HPSE2: variants seen among roughly 807,000 people sequenced by gnomAD.
HPSE2 encodes the protein inactive heparanase-2.
HPSE2 carries 38 observed loss-of-function variants against 60.5 expected under a neutral mutation model. The observed-to-expected ratio is 0.63, with a 90% CI of 0.48 to 0.82. The LOEUF (loss-of-function observed/expected upper bound fraction) is 0.82. Among genes scored for constraint, HPSE2 ranks in the 40% least tolerant of loss-of-function variants. HPSE2 has a pLI of 0.00. For synonymous variants in HPSE2, 295 were observed against 293.2 expected (o/e 1.01, Z -0.06); for missense variants, 713 against 740.4 (o/e 0.96, Z 0.43).
At chr10:98,954,362 C>G (rs1320238568) in intron 3 of HPSE2, among the ~76,000 whole-genome samples, 1 of 152,002 alleles carries the variant, frequency 6.6e-6, no homozygotes, top group African/African-American at 2.4e-5. Context: ...AGGCTGTAAG[C>G]AGGAAAGTGA....
intron 3 of HPSE2, among the ~76,000 whole-genome samples, chr10:99,029,597 C>CAG (rs1038903052): frequency 3.3e-5 from 5 of 151,930 alleles, no homozygotes; most frequent in East Asian, 1.9e-4. Context: ...GCAGCCAAGG[C>CAG]AGAGAGAGAG....
intron 3 of HPSE2, among the ~76,000 whole-genome samples, chr10:98,817,824 A>G (rs1175990272): frequency 1.3e-5 from 2 of 152,232 alleles, no homozygotes; most frequent in Admixed American, 6.5e-5. Context: ...AGATATAGCT[A>G]AAGAGTTCAC....
chr10:98,841,300 A>G (rs917516283), intron 3 of HPSE2, among the ~76,000 whole-genome samples: 3 of 152,108 alleles, frequency 2.0e-5, no homozygotes, highest in African/African-American at 7.2e-5. Flanking sequence ...GCACACATTT[A>G]CCTATATGGT....
chr10:98,700,355 C>G (rs1948370944), intron 5 of HPSE2, among the ~76,000 whole-genome samples: 1 of 131,064 alleles, frequency 7.6e-6, no homozygotes, highest in African/African-American at 2.5e-5. Context: ...CTACAACTAT[C>G]TGATCTTTGA....
At chr10:98,968,202 C>G (rs1419380835) in intron 3 of HPSE2, among the ~76,000 whole-genome samples, 1 of 152,112 alleles carries the variant, frequency 6.6e-6, no homozygotes, top group African/African-American at 2.4e-5. Context: ...ACATACGGTA[C>G]TCTATTTTTG....
At chr10:98,522,136 TA>T (rs555728622) in intron 9 of HPSE2, among the ~76,000 whole-genome samples, 135 of 142,718 alleles carry the variant, frequency 9.5e-4, no homozygotes, top group African/African-American at 2.1e-3. Context: ...AGGATAATTA[TA>T]AAAAAAAAAA....
At chr10:98,689,788 T>A (rs1948027583) in intron 6 of HPSE2, among the ~76,000 whole-genome samples, 1 of 152,216 alleles carries the variant, frequency 6.6e-6, no homozygotes, top group Admixed American at 6.5e-5. Context: ...CAGTTTATGA[T>A]TTTTTTGGAC....
Position 98,832,924 on chromosome 10 carries a change from A to C in HPSE2, c.611-88868T>G, listed in dbSNP as rs555641123. On this transcript the variant is annotated intron_variant, in intron 3 of 11. Transcript: ENST00000370552. The stretch of plus-strand genomic sequence containing the variant: ...GAAATAATGGAGCTCTTTTGCCAGG[A>C]GTTTTGCTGACAGAACGGCTGTTTT... Among the ~76,000 whole-genome samples, 12 of 152,272 alleles carry C rather than the reference A, an allele frequency of 7.9e-5. No individual in the cohort carries two copies. In the South Asian group the frequency reaches 2.3e-3, roughly 29 times the overall value.
At chr10:99,282,456 T>C in the HPSE2 span, among the ~76,000 whole-genome samples, 75,399 of 151,866 alleles carry the variant, frequency 0.5, 21,775 homozygotes, top group Non-Finnish European at 0.64. Context: ...CTTTCAATAA[T>C]AGAACAACCA....
intron 11 of HPSE2, among the ~76,000 whole-genome samples, chr10:98,476,159 T>G (rs1048903935): frequency 2.2e-4 from 34 of 151,290 alleles, no homozygotes; most frequent in Non-Finnish European, 4.4e-4. Context: ...AATGATGAGT[T>G]CATGTCCTTT....
the HPSE2 span, among the ~76,000 whole-genome samples, chr10:99,270,593 T>A: frequency 6.6e-6 from 1 of 152,158 alleles, no homozygotes; most frequent in Non-Finnish European, 1.5e-5. Context: ...CTACTGACAC[T>A]ATTCCACAAG....
chr10:99,277,807 C>T, the HPSE2 span, among the ~76,000 whole-genome samples: 8 of 151,962 alleles, frequency 5.3e-5, no homozygotes, highest in African/African-American at 4.8e-5. Context: ...TTTAAAAAAA[C>T]TGATATGCGG....
intron 3 of HPSE2, among the ~76,000 whole-genome samples, chr10:98,972,814 G>T (rs943373900): frequency 6.6e-6 from 1 of 152,060 alleles, no homozygotes; most frequent in Non-Finnish European, 1.5e-5. Context: ...AATCAGCAAC[G>T]CATAAAGCAT....
chr10:99,109,529 A>G (rs966934540), intron 3 of HPSE2, among the ~76,000 whole-genome samples: 1 of 152,112 alleles, frequency 6.6e-6, no homozygotes, highest in Non-Finnish European at 1.5e-5. Flanking sequence ...ACTCCGAGAA[A>G]GGAATGATAA....
chr10:98,744,426 C>T (rs1263157630), intron 3 of HPSE2, among the ~76,000 whole-genome samples: 1 of 152,214 alleles, frequency 6.6e-6, no homozygotes, highest in East Asian at 1.9e-4. Flanking sequence ...ACTCAGAAGG[C>T]TGAGGCAGGA....
chr10:98,839,222 T>A (rs1565201100), intron 3 of HPSE2, among the ~76,000 whole-genome samples: 1 of 152,110 alleles, frequency 6.6e-6, no homozygotes, highest in Non-Finnish European at 1.5e-5. Context: ...TTAGGAGAGA[T>A]CATTTTTTCA....
At chr10:98,587,660 T>G (rs1405701450) in intron 9 of HPSE2, among the ~76,000 whole-genome samples, 1 of 152,186 alleles carries the variant, frequency 6.6e-6, no homozygotes, top group Non-Finnish European at 1.5e-5. Flanking sequence ...TCCAAATATT[T>G]CTGAAACTAG....
At chr10:98,627,069 G>A (rs960698241) in intron 7 of HPSE2, among the ~76,000 whole-genome samples, 4 of 152,270 alleles carry the variant, frequency 2.6e-5, no homozygotes, top group Admixed American at 6.5e-5. Context: ...CACCGCACCC[G>A]GCCGAGATGA....
intron 3 of HPSE2, among the ~76,000 whole-genome samples, chr10:98,945,585 T>C (rs1277877281): frequency 6.6e-6 from 1 of 152,140 alleles, no homozygotes; most frequent in African/African-American, 2.4e-5. Context: ...ATACTTGCTA[T>C]ATAATATTAA....
Sources: allele counts gnomAD v4.1 joint callset (sites outside exome capture counted in the v4.1 genomes callset), GRCh38; gene constraint gnomAD v4.1.1; transcripts MANE v1.5; gene names NCBI Gene and HGNC (gene_info 2026-07-23, HGNC 2026-07-21).